SRGAP3: variants seen among roughly 807,000 people sequenced by gnomAD.
SRGAP3 encodes SLIT-ROBO Rho GTPase activating protein 3, also known as SLIT-ROBO Rho GTPase-activating protein 3.
A neutral mutation model predicts 121.1 loss-of-function variants in SRGAP3; 39 were observed. The observed-to-expected ratio is 0.32, with a 90% CI of 0.25 to 0.42. The LOEUF is 0.42. Among genes scored for constraint, SRGAP3 ranks in the 10% least tolerant of loss-of-function variants. SRGAP3 has a pLI of 1.00. For missense variants in SRGAP3, 1,213 were observed against 1,470.6 expected (o/e 0.82, Z 2.86); for synonymous variants, 601 against 570.0 (o/e 1.05, Z -0.77).
At position 9,114,724 on chromosome 3, in the gene SRGAP3, C is replaced by T. The variant is rs543867988; in HGVS notation, c.261-9882G>A. Among the ~76,000 whole-genome samples the T allele has an allele frequency of 1.2e-3, 184 of 152,332 alleles. 2 individuals carry two copies. Among genetic ancestry groups the T allele is most frequent in the African/African-American group, 4.3e-3 (180 of 41,566 alleles). On this transcript the variant is annotated intron_variant, in intron 2 of 21. Transcript: ENST00000383836. ...ACTCTTTCCTTGCAAGCCCCTTTGC[C>T]TTGGTTTATCTGCCCACAGAATGGG...
chr3:9,094,950 T>TG (rs1372281306), intron 3 of SRGAP3, among the ~76,000 whole-genome samples: 1 of 151,698 alleles, frequency 6.6e-6, no homozygotes, highest in Non-Finnish European at 1.5e-5. Context: ...TCTGTAGAGT[T>TG]GGGGTCTCCC....
intron 3 of SRGAP3, among the ~76,000 whole-genome samples, chr3:9,285,590 A>G (rs529356968): frequency 3.3e-4 from 50 of 152,184 alleles, no homozygotes; most frequent in Admixed American, 2.5e-3. Context: ...TCTCACACTT[A>G]CTTGTTCCAC....
chr3:9,206,777 G>A (rs1574868042), intron 1 of SRGAP3, among the ~76,000 whole-genome samples: 1 of 152,108 alleles, frequency 6.6e-6, no homozygotes, highest in Non-Finnish European at 1.5e-5. Flanking sequence ...CCAGCCTCCA[G>A]CCCAGCACAC....
rs778998694 is a variant in SRGAP3 at position 9,239,278 on chromosome 3, G to T, written c.67+9607C>A. Among the ~76,000 whole-genome samples, 22 of 152,126 alleles carry T rather than the reference G, an allele frequency of 1.4e-4. No homozygotes were observed. Among genetic ancestry groups the T allele is most frequent in the Non-Finnish European group, 3.1e-4 (21 of 68,032 alleles). ...ACCTGTAATCCCAGCTACTTGGGAG[G>T]CTGAGGCAGAAGAATCACTTAAATC... On this transcript the variant is annotated intron_variant, in intron 1 of 21. Coordinates refer to ENST00000383836, the MANE Select transcript of SRGAP3 (RefSeq NM_014850.4). This position sits in a 1 kb window ranked among gnomAD's most constrained non-coding sequence, Gnocchi z 4.0.
intron 18 of SRGAP3, among the ~76,000 whole-genome samples, chr3:9,009,259 C>A (rs766812268): frequency 6.6e-6 from 1 of 152,174 alleles, no homozygotes; most frequent in Non-Finnish European, 1.5e-5. Context: ...GCTCTCCTGA[C>A]AAATGTGGTG....
intron 1 of SRGAP3, among the ~76,000 whole-genome samples, chr3:9,336,323 C>T (rs1053977250): frequency 7.2e-5 from 11 of 152,044 alleles, no homozygotes; most frequent in Non-Finnish European, 1.5e-4. Flanking sequence ...GAGAAGGATC[C>T]TCCTTCCTCA....
At chr3:9,152,748 C>T (rs1950256526) in intron 1 of SRGAP3, among the ~76,000 whole-genome samples, 1 of 152,226 alleles carries the variant, frequency 6.6e-6, no homozygotes, top group Non-Finnish European at 1.5e-5. Context: ...GGAAGGAAGG[C>T]CTTATTCCTC....
intron 1 of SRGAP3, chr3:9,194,435 TA>T (rs776097524): frequency 6.6e-6 from 1 of 152,182 alleles, no homozygotes; most frequent in Non-Finnish European, 1.5e-5. Flanking sequence ...AGGTGCTCAA[TA>T]AATGTTATCT....
At chr3:9,110,633 G>A (rs1158929140) in intron 2 of SRGAP3, among the ~76,000 whole-genome samples, 2 of 152,232 alleles carry the variant, frequency 1.3e-5, no homozygotes, top group African/African-American at 4.8e-5. Context: ...CAGGCCTGCC[G>A]TCCGATCAGC....
intron 21 of SRGAP3, among the ~76,000 whole-genome samples, chr3:8,988,616 G>C (rs1941861986): frequency 6.6e-6 from 1 of 152,144 alleles, no homozygotes; most frequent in Admixed American, 6.5e-5. Flanking sequence ...AGAAGTCTGG[G>C]ATATGGGGCA....
Position 9,104,837 on chromosome 3 carries a change from T to A in SRGAP3, c.266A>T (p.Asp89Val). The change falls in exon 3 of 22, where the codon GAC becomes GTC. Residue 89 changes from aspartate (D) to valine (V), a missense_variant. By Grantham distance (152) the Asp-to-Val change is radical (BLOSUM62 -3). Coordinates refer to ENST00000383836, the MANE Select transcript of SRGAP3 (RefSeq NM_014850.4). ...GTTCACAGGCGAGAGGAGGTACTGGTCCTTCCTGTGGAAACCAAGAAAGCT... is the reference window on the plus strand; with the variant it reads ...GTTCACAGGCGAGAGGAGGTACTGGACCTTCCTGTGGAAACCAAGAAAGCT... ...RSSREHQFKK[D>V]QYLLSPVNCW... is the part of the protein sequence containing the mutation. 4 of 1,614,250 alleles carry A rather than the reference T, an allele frequency of 2.5e-6. No individual in the cohort carries two copies. Among genetic ancestry groups the A allele is most frequent in the Non-Finnish European group, 3.4e-6 (4 of 1,180,034 alleles).
chr3:9,099,397 G>A (rs1258997046), intron 3 of SRGAP3, among the ~76,000 whole-genome samples: 1 of 152,208 alleles, frequency 6.6e-6, no homozygotes, highest in Admixed American at 6.5e-5. Flanking sequence ...AATAATGGAT[G>A]GCTATTGTTA....
intron 3 of SRGAP3, among the ~76,000 whole-genome samples, chr3:9,272,513 T>C (rs1954496572): frequency 6.6e-6 from 1 of 152,248 alleles, no homozygotes; most frequent in Non-Finnish European, 1.5e-5. Flanking sequence ...TATTCGTCTT[T>C]TTGTGACTCG....
chr3:9,297,067 T>C (rs1954965131), intron 3 of SRGAP3, among the ~76,000 whole-genome samples: 1 of 152,150 alleles, frequency 6.6e-6, no homozygotes, highest in Non-Finnish European at 1.5e-5. Flanking sequence ...TTATTTTTTG[T>C]AGAAACAAGG....
chr3:9,337,440 C>G lies in SRGAP3; in HGVS notation n.215-6844G>C, dbSNP rs990944290. 2.0e-5 allele frequency among the ~76,000 whole-genome samples: 3 copies of G among 152,032 alleles called. No individual in the cohort carries two copies. The South Asian group carries it at 6.2e-4, about 32-fold the overall frequency. ...CAAAAGTCATGTTGAAATTTAATTGCCATTTTGATGAGATTAAGAGGTAGG... is the reference window on the plus strand; with the variant it reads ...CAAAAGTCATGTTGAAATTTAATTGGCATTTTGATGAGATTAAGAGGTAGG... On this transcript the variant is annotated intron_variant and non_coding_transcript_variant, in intron 1 of 3. Transcript: ENST00000490889.
At position 9,239,319 on chromosome 3, in the gene SRGAP3, G is replaced by T. The variant is rs985119972; in HGVS notation, c.67+9566C>A. On this transcript the variant is annotated intron_variant, in intron 1 of 21. Transcript: ENST00000383836. This position sits in a 1 kb window ranked among gnomAD's most constrained non-coding sequence, Gnocchi z 4.0. Reference sequence around the variant, plus strand: ...CACTTAAATCCAACAGGCATAGGTTGCAGTGAGCCAAGGTTGCACCACTGC... The same window carrying T: ...CACTTAAATCCAACAGGCATAGGTTTCAGTGAGCCAAGGTTGCACCACTGC... 6.6e-6 allele frequency among the ~76,000 whole-genome samples: 1 copy of T among 152,218 alleles called. No individual in the cohort carries two copies. Among genetic ancestry groups the T allele is most frequent in the Non-Finnish European group, 1.5e-5 (1 of 68,044 alleles).
intron 1 of SRGAP3, among the ~76,000 whole-genome samples, chr3:9,361,216 T>C (rs1444944115): frequency 1.6e-4 from 25 of 152,104 alleles, no homozygotes; most frequent in Admixed American, 1.6e-3. Context: ...TATTCTCCTG[T>C]CTCAGCCTCC....
chr3:9,216,155 G>A (rs80087978), intron 1 of SRGAP3, among the ~76,000 whole-genome samples: 1,857 of 152,292 alleles, frequency 0.012, 33 homozygotes, highest in African/African-American at 0.042. Flanking sequence ...CACTGCAGAT[G>A]TATCAGCCCA....
intron 1 of SRGAP3, among the ~76,000 whole-genome samples, chr3:9,331,850 T>C (rs911351678): frequency 5.3e-5 from 8 of 152,120 alleles, no homozygotes; most frequent in Non-Finnish European, 1.0e-4. Flanking sequence ...GCCAACAACC[T>C]TCCAAATGAA....
Sources: gnomAD v4.1 joint callset for allele counts (sites outside exome capture counted in the v4.1 genomes callset) on GRCh38, gnomAD v4.1.1 for gene constraint, Gnocchi (gnomAD v3.1) non-coding constraint, MANE v1.5 for transcripts, NCBI Gene and HGNC (gene_info 2026-07-23, HGNC 2026-07-21) for gene names.